NFIL3: variants seen among roughly 807,000 people sequenced by gnomAD.
NFIL3 encodes the protein nuclear factor, interleukin 3 regulated.
NFIL3 carries 5 observed loss-of-function variants against 10.0 expected under a neutral mutation model. The observed-to-expected ratio is 0.50, with a 90% CI of 0.26 to 1.06. The LOEUF is 1.06. Ranked by LOEUF, NFIL3 falls within the 50% of genes least tolerant of loss-of-function variation. The pLI is 0.13. For synonymous variants in NFIL3, 202 were observed against 206.5 expected (o/e 0.98, Z 0.19); for missense variants, 436 against 547.6 (o/e 0.80, Z 2.03).
At chr9:91,466,289 C>A in the NFIL3 span, among the ~76,000 whole-genome samples, 5 of 152,082 alleles carry the variant, frequency 3.3e-5, no homozygotes, top group Admixed American at 3.3e-4. Flanking sequence ...ACAACACAGA[C>A]CCTTCTGAAT....
At chr9:91,412,098 CAAAAAAAAA>C (rs56891881) in intron 1 of NFIL3, among the ~76,000 whole-genome samples, 398 of 76,866 alleles carry the variant, frequency 5.2e-3, no homozygotes, top group African/African-American at 0.018. Context: ...AAGACTCTGT[CAAAAAAAAA>C]AAAAAAAAAA....
chr9:91,470,232 A>T, the NFIL3 span, among the ~76,000 whole-genome samples: 1 of 151,606 alleles, frequency 6.6e-6, no homozygotes, highest in Non-Finnish European at 1.5e-5. Context: ...CTATTCAGGG[A>T]TTCAACTTCT....
chr9:91,443,672 G>T, the NFIL3 span, among the ~76,000 whole-genome samples: 44 of 152,326 alleles, frequency 2.9e-4, no homozygotes, highest in East Asian at 7.5e-3. Flanking sequence ...AAGCCTGCAG[G>T]GACAGAGGGG....
the NFIL3 span, among the ~76,000 whole-genome samples, chr9:91,470,144 G>A: frequency 1.3e-5 from 2 of 152,096 alleles, no homozygotes; most frequent in South Asian, 4.1e-4. Context: ...GAATTTGGCT[G>A]TGAATCCTTC....
the NFIL3 span, among the ~76,000 whole-genome samples, chr9:91,466,394 G>C: frequency 6.6e-6 from 1 of 152,158 alleles, no homozygotes. Context: ...GATGAAAGTA[G>C]TTATAAAAAG....
chr9:91,475,707 T>C, the NFIL3 span, among the ~76,000 whole-genome samples: 1 of 151,976 alleles, frequency 6.6e-6, no homozygotes, highest in African/African-American at 2.4e-5. Context: ...AGTGAGAGAA[T>C]TCACAAATGA....
At chr9:91,419,424 G>GA (rs373680745) in intron 1 of NFIL3, among the ~76,000 whole-genome samples, 12 of 152,152 alleles carry the variant, frequency 7.9e-5, no homozygotes, top group Non-Finnish European at 1.5e-4. Flanking sequence ...CTCAACGTCC[G>GA]AAAGGCCTCT....
At chr9:91,482,547 T>C in the NFIL3 span, among the ~76,000 whole-genome samples, 1 of 152,106 alleles carries the variant, frequency 6.6e-6, no homozygotes, top group Non-Finnish European at 1.5e-5. Flanking sequence ...TCGCCCAGGC[T>C]GGAGTGCAGT....
the NFIL3 span, among the ~76,000 whole-genome samples, chr9:91,477,471 TC>T: frequency 6.6e-6 from 1 of 152,164 alleles, no homozygotes; most frequent in East Asian, 1.9e-4. Flanking sequence ...CAAAATCCCT[TC>T]TGCAGTGTAA....
At chr9:91,445,955 G>A in the NFIL3 span, among the ~76,000 whole-genome samples, 1,009 of 151,882 alleles carry the variant, frequency 6.6e-3, 10 homozygotes, top group African/African-American at 0.023. Context: ...GAGGTGCAAT[G>A]GCTACTCATC....
intron 1 of NFIL3, among the ~76,000 whole-genome samples, chr9:91,418,820 CTAT>C (rs1833705840): frequency 1.3e-5 from 2 of 149,462 alleles, no homozygotes; most frequent in Non-Finnish European, 3.0e-5. Flanking sequence ...AGTTTATGCT[CTAT>C]TATTAAAGCC....
At chr9:91,429,510 T>C in the NFIL3 span, among the ~76,000 whole-genome samples, 1 of 152,288 alleles carries the variant, frequency 6.6e-6, no homozygotes, top group South Asian at 2.1e-4. Context: ...AATTACCTTG[T>C]TGAGTTGCCC....
At chr9:91,446,909 G>A in the NFIL3 span, among the ~76,000 whole-genome samples, 1 of 151,896 alleles carries the variant, frequency 6.6e-6, no homozygotes, top group Non-Finnish European at 1.5e-5. Flanking sequence ...TCTACCTCCT[G>A]AGTTCAAGTG....
chr9:91,439,488 T>C, the NFIL3 span, among the ~76,000 whole-genome samples: 1 of 152,104 alleles, frequency 6.6e-6, no homozygotes, highest in South Asian at 2.1e-4. Flanking sequence ...TCCTTTCTAA[T>C]TGCCTTTTAT....
chr9:91,414,828 C>T (rs1156694798), intron 1 of NFIL3, among the ~76,000 whole-genome samples: 1 of 152,082 alleles, frequency 6.6e-6, no homozygotes, highest in Non-Finnish European at 1.5e-5. Flanking sequence ...CTTTTGTGCC[C>T]AACTACACTG....
chr9:91,436,382 T>C, the NFIL3 span, among the ~76,000 whole-genome samples: 1 of 152,158 alleles, frequency 6.6e-6, no homozygotes, highest in South Asian at 2.1e-4. Flanking sequence ...ATAGAGACCA[T>C]CCCGGCTAAC....
the NFIL3 span, among the ~76,000 whole-genome samples, chr9:91,474,363 G>C: frequency 2.4e-4 from 37 of 152,042 alleles, 1 homozygote; most frequent in African/African-American, 8.4e-4. Flanking sequence ...TTTATTGAAG[G>C]CTTTTTCATC....
the NFIL3 span, among the ~76,000 whole-genome samples, chr9:91,464,177 A>G: frequency 3.6e-3 from 554 of 152,014 alleles, 7 homozygotes; most frequent in African/African-American, 0.013. Flanking sequence ...TACCTACCAT[A>G]TTTATTTTAT....
intron 1 of NFIL3, among the ~76,000 whole-genome samples, chr9:91,418,985 T>A (rs945200441): frequency 3.3e-5 from 5 of 152,120 alleles, no homozygotes; most frequent in African/African-American, 1.2e-4. Flanking sequence ...AAGGTCAACG[T>A]CTTTCAACAT....
Sources: allele counts gnomAD v4.1 joint callset (sites outside exome capture counted in the v4.1 genomes callset), GRCh38; gene constraint gnomAD v4.1.1; transcripts MANE v1.5; gene names NCBI Gene and HGNC (gene_info 2026-07-23, HGNC 2026-07-21).